MCCC1: variants seen among roughly 807,000 people sequenced by gnomAD.
MCCC1 encodes the protein methylcrotonoyl-CoA carboxylase subunit alpha, mitochondrial.
A neutral mutation model predicts 83.8 loss-of-function variants in MCCC1; 64 were observed. That is an observed-to-expected ratio of 0.76 (90% CI 0.62 to 0.94). The LOEUF is 0.94. Ranked by LOEUF, MCCC1 falls within the 40% of genes least tolerant of loss-of-function variation. MCCC1 has a pLI of 0.00. For missense variants in MCCC1, 807 were observed against 904.7 expected (o/e 0.89, Z 1.39); for synonymous variants, 322 against 315.4 (o/e 1.02, Z -0.22).
At chr3:183,108,390 A>G (rs1414929673) in intron 1 of MCCC1, among the ~76,000 whole-genome samples, 1 of 152,218 alleles carries the variant, frequency 6.6e-6, no homozygotes, top group Admixed American at 6.5e-5. Context: ...CTGGAGCTAC[A>G]AAATGTGAGT....
intron 15 of MCCC1, among the ~76,000 whole-genome samples, chr3:183,024,281 T>C (rs1257875865): frequency 6.6e-6 from 1 of 152,068 alleles, no homozygotes; most frequent in Non-Finnish European, 1.5e-5. Context: ...AAGATTAAGA[T>C]ATTATTTGTT....
intron 10 of MCCC1, among the ~76,000 whole-genome samples, chr3:183,042,626 C>T (rs1714181803): frequency 6.7e-6 from 1 of 149,420 alleles, no homozygotes; most frequent in Non-Finnish European, 1.5e-5. Flanking sequence ...GGATGCACAG[C>T]AGTTAAGAAT....
At chr3:183,062,991 AT>A (rs1038067462) in intron 7 of MCCC1, among the ~76,000 whole-genome samples, 4 of 148,014 alleles carry the variant, frequency 2.7e-5, no homozygotes, top group South Asian at 2.1e-4. Context: ...TCCTATTTAC[AT>A]TTTTTTTTTA....
chr3:183,018,093 A>G (rs552169012), intron 17 of MCCC1, among the ~76,000 whole-genome samples: 2 of 152,250 alleles, frequency 1.3e-5, no homozygotes, highest in South Asian at 2.1e-4. Flanking sequence ...TACTCGTCAA[A>G]TAAGAGGCCT....
At chr3:183,081,351 C>T (rs77672120) in intron 4 of MCCC1, among the ~76,000 whole-genome samples, 4,916 of 152,270 alleles carry the variant, frequency 0.032, 172 homozygotes, top group East Asian at 0.1. Flanking sequence ...TTAGTAAACA[C>T]AGAAAACTAG....
chr3:183,026,435 G>A (rs1295171801), intron 14 of MCCC1, among the ~76,000 whole-genome samples: 1 of 152,224 alleles, frequency 6.6e-6, no homozygotes, highest in African/African-American at 2.4e-5. Flanking sequence ...ATGCAGGCCA[G>A]GTGCGGCGGC....
intron 13 of MCCC1, among the ~76,000 whole-genome samples, chr3:183,034,407 C>A (rs1479109379): frequency 6.8e-6 from 1 of 146,650 alleles, no homozygotes; most frequent in Non-Finnish European, 1.5e-5. Context: ...GCCAAGATTG[C>A]GCCACTGCAC....
Position 183,022,677 on chromosome 3 carries a change from A to G in MCCC1, c.1732-123T>C, listed in dbSNP as rs553699385. On this transcript the variant is annotated intron_variant, in intron 15 of 18. Transcript: ENST00000265594. The stretch of plus-strand genomic sequence containing the variant: ...ATAAAATGTGTCTTAAACATATATA[A>G]CATATATTTTTTAAAAAGTCATGGA... 16 of 859,384 alleles carry G rather than the reference A, an allele frequency of 1.9e-5. No individual in the cohort carries two copies. The Admixed American group carries it at 2.9e-4, about 16-fold the overall frequency. 53.2% of individuals were successfully genotyped at this position (859,384 alleles called of 1,614,324 possible). A position where few individuals can be genotyped will look rare whatever the true frequency, so the allele number is the denominator to read the frequency against.
Position 183,072,232 on chromosome 3 carries a change from G to A in MCCC1, c.491+134C>T, listed in dbSNP as rs977516850. 22 of 1,075,316 alleles carry A rather than the reference G, an allele frequency of 2.0e-5. No homozygotes were observed. In the African/African-American group the frequency reaches 3.5e-4, roughly 17 times the overall value. 66.6% of individuals were successfully genotyped at this position (1,075,316 alleles called of 1,614,324 possible). ...TCACTAAGTTGCCCAGGCTGGTCTTGAATTCCTGGCCTCAAGCTATCCTCC... is the reference window on the plus strand; with the variant it reads ...TCACTAAGTTGCCCAGGCTGGTCTTAAATTCCTGGCCTCAAGCTATCCTCC... On this transcript the variant is annotated intron_variant, in intron 5 of 18. Coordinates refer to ENST00000265594, the MANE Select transcript of MCCC1 (RefSeq NM_020166.5).
intron 1 of MCCC1, among the ~76,000 whole-genome samples, chr3:183,108,935 T>A (rs886703160): frequency 5.3e-5 from 8 of 152,280 alleles, no homozygotes; most frequent in Admixed American, 3.9e-4. Flanking sequence ...TTTTAAAAAA[T>A]TTTTCTTTTA....
chr3:183,017,478 A>T, intron 17 of MCCC1, 141 bp from the exon 18 acceptor site: 1 of 780,326 alleles, frequency 1.3e-6, no homozygotes, highest in Non-Finnish European at 2.1e-6. Context: ...ACAATAAAAC[A>T]TAAATAAAAA....
At chr3:183,096,241 C>A (rs1460933136) in intron 1 of MCCC1, among the ~76,000 whole-genome samples, 1 of 151,914 alleles carries the variant, frequency 6.6e-6, no homozygotes, top group Non-Finnish European at 1.5e-5. Context: ...GAGGCTGAGG[C>A]AGGAGTATCA....
intron 9 of MCCC1, among the ~76,000 whole-genome samples, chr3:183,047,655 C>A: frequency 6.7e-6 from 1 of 148,934 alleles, no homozygotes. Flanking sequence ...AAAGGAAATG[C>A]TAGAATTGAA....
At position 183,059,910 on chromosome 3, in the gene MCCC1, T is replaced by C. The variant is rs563779887; in HGVS notation, c.762-2488A>G. Among the ~76,000 whole-genome samples the C allele has an allele frequency of 5.3e-5, 8 of 152,328 alleles. No individual in the cohort carries two copies. The East Asian group carries it at 1.5e-3, about 29-fold the overall frequency. ...CCTTGTGGCTTCTTTCAGTATTTTC[T>C]ATTTGTCTTTCTTTTCCTGCATTTG... On this transcript the variant is annotated intron_variant, in intron 7 of 18. Coordinates refer to ENST00000265594, the MANE Select transcript of MCCC1 (RefSeq NM_020166.5).
chr3:183,112,963 C>A (rs544171590), intron 1 of MCCC1, among the ~76,000 whole-genome samples: 1 of 151,896 alleles, frequency 6.6e-6, no homozygotes, highest in African/African-American at 2.4e-5. Flanking sequence ...CGGTGGCTCA[C>A]GCCTGTAATC....
chr3:183,021,031 A>C (rs573481734), intron 16 of MCCC1, among the ~76,000 whole-genome samples: 1 of 152,122 alleles, frequency 6.6e-6, no homozygotes, highest in South Asian at 2.1e-4. Flanking sequence ...CTGCACTCCA[A>C]CCTGGACAAC....
Position 183,078,073 on chromosome 3 carries a change from G to T in MCCC1, c.370-5586C>A, listed in dbSNP as rs148816674. Among the ~76,000 whole-genome samples the T allele has an allele frequency of 4.6e-3, 704 of 152,274 alleles. 2 individuals are homozygous for T. The highest frequency in any genetic ancestry group is 0.016 in the African/African-American group (670 of 41,546). On this transcript the variant is annotated intron_variant, in intron 4 of 18. Transcript: ENST00000265594. ...CTCGCAGTGTCTCCCAGGCTGGAGT[G>T]CAATGGCATGATCTTGGCTCACTGC...
intron 4 of MCCC1, among the ~76,000 whole-genome samples, chr3:183,076,882 C>T (rs1200608726): frequency 6.6e-6 from 1 of 152,154 alleles, no homozygotes; most frequent in Non-Finnish European, 1.5e-5. Context: ...GCCTCTTAGC[C>T]ATTCCTCACT....
intron 1 of MCCC1, among the ~76,000 whole-genome samples, chr3:183,110,200 G>A (rs1462337184): frequency 3.9e-5 from 6 of 152,092 alleles, no homozygotes; most frequent in Non-Finnish European, 8.8e-5. Context: ...TAGGTTATCT[G>A]TGCATTCTGT....
Sources: allele counts gnomAD v4.1 joint callset (sites outside exome capture counted in the v4.1 genomes callset), GRCh38; gene constraint gnomAD v4.1.1; transcripts MANE v1.5; gene names NCBI Gene and HGNC (gene_info 2026-07-23, HGNC 2026-07-21).